The following SH3BP4 variants were observed in gnomAD, a reference collection of about 807,000 sequenced individuals.
SH3BP4 encodes the protein SH3 domain binding protein 4, also known as SH3 domain-binding protein 4.
A neutral mutation model predicts 65.5 loss-of-function variants in SH3BP4; 33 were observed. That is an observed-to-expected ratio of 0.50 (90% confidence interval 0.38 to 0.67). The LOEUF is 0.67. Ranked by LOEUF, SH3BP4 falls within the 30% of genes least tolerant of loss-of-function variation. The pLI, the probability that SH3BP4 is intolerant of heterozygous loss-of-function variation, is 0.00. For synonymous variants in SH3BP4, 552 were observed against 545.5 expected (o/e 1.01, Z -0.17); for missense variants, 1,134 against 1,261.4 (o/e 0.90, Z 1.53).
intron 2 of SH3BP4, among the ~76,000 whole-genome samples, chr2:235,032,299 C>G (rs1695231147): frequency 1.3e-5 from 2 of 152,196 alleles, no homozygotes; most frequent in African/African-American, 2.4e-5. Context: ...CAGATGGAGA[C>G]TCTCAGGCAG....
In SH3BP4 at chr2:235,034,186, G is replaced by A. The variant is rs1695295150; in HGVS notation, c.-132-685G>A. Reference sequence around the variant, plus strand: ...CCAGAAAAAAAAAGCAGAGGCCTTAGGGGTGATTCTTGTGGTCTCTTCCAC... The same window carrying A: ...CCAGAAAAAAAAAGCAGAGGCCTTAAGGGTGATTCTTGTGGTCTCTTCCAC... On this transcript the variant is annotated intron_variant, in intron 2 of 5. Coordinates refer to ENST00000392011, the MANE Select transcript of SH3BP4 (RefSeq NM_014521.3). This position sits in a 1 kb window ranked among gnomAD's most constrained non-coding sequence, Gnocchi z 6.2. 6.6e-6 allele frequency among the ~76,000 whole-genome samples: 1 copy of A among 151,692 alleles called. No individual in the cohort carries two copies. The highest frequency in any genetic ancestry group is 1.5e-5 in the Non-Finnish European group (1 of 68,034).
At chr2:234,959,297 A>G (rs1056686669) in intron 1 of SH3BP4, among the ~76,000 whole-genome samples, 3 of 152,110 alleles carry the variant, frequency 2.0e-5, no homozygotes, top group Non-Finnish European at 2.9e-5. Flanking sequence ...GCTTGGGGGC[A>G]GTTGCATTTT....
intron 2 of SH3BP4, among the ~76,000 whole-genome samples, chr2:235,029,838 C>T (rs893593083): frequency 6.6e-6 from 1 of 152,174 alleles, no homozygotes; most frequent in African/African-American, 2.4e-5. Flanking sequence ...CTGTGCTCCA[C>T]AGTCCATGCA....
chr2:235,042,481 G>T lies in SH3BP4; in HGVS notation c.1712G>T (p.Arg571Leu). The T allele has an allele frequency of 6.2e-7, 1 of 1,614,158 alleles. No homozygotes were observed. The highest frequency in any genetic ancestry group is 1.1e-5 in the South Asian group (1 of 91,086). ...GFQLKLGKVSRLIFPITSQNP... is the reference protein window; with the variant it reads ...GFQLKLGKVSLLIFPITSQNP... ...CAGCTGAAGCTGGGCAAGGTGAGCCGCCTGATCTTCCCCATCACCTCCCAG... is the reference window on the plus strand; with the variant it reads ...CAGCTGAAGCTGGGCAAGGTGAGCCTCCTGATCTTCCCCATCACCTCCCAG... The change falls in exon 4 of 6, where the codon CGC (arginine) becomes CTC (leucine). Residue 571 changes from arginine (R) to leucine (L), a missense_variant. Arg to Leu is a moderately radical substitution (Grantham distance 102). Coordinates refer to ENST00000392011, the MANE Select transcript of SH3BP4 (RefSeq NM_014521.3). This position sits in a 1 kb window ranked among gnomAD's most constrained non-coding sequence, Gnocchi z 7.3.
At position 235,055,589 on chromosome 2, in the gene SH3BP4, G is replaced by A. The variant is rs1173096652; in HGVS notation, c.*1773G>A. 1 of 152,596 alleles carries A rather than the reference G, an allele frequency of 6.6e-6. No homozygotes were observed. Among genetic ancestry groups the A allele is most frequent in the East Asian group, 1.9e-4 (1 of 5,190 alleles). 9.5% of individuals were successfully genotyped at this position (152,596 alleles called of 1,614,324 possible). A position where few individuals can be genotyped will look rare whatever the true frequency, so the allele number is the denominator to read the frequency against. On this transcript the variant is annotated 3_prime_UTR_variant, in exon 6 of 6. Transcript: ENST00000392011. ...CTTTAAATAGTTTCCTATGCAACGT[G>A]TCTTGTAGCACAAATAAAATTCTAC...
chr2:235,011,036 C>G (rs1266979052), intron 2 of SH3BP4, among the ~76,000 whole-genome samples: 1 of 150,448 alleles, frequency 6.6e-6, no homozygotes, highest in Non-Finnish European at 1.5e-5. Flanking sequence ...CTTCCTCCCT[C>G]TTCTAGGAGA....
chr2:234,984,515 AGT>A (rs1321402931), intron 1 of SH3BP4, among the ~76,000 whole-genome samples: 1 of 152,146 alleles, frequency 6.6e-6, no homozygotes, highest in Non-Finnish European at 1.5e-5. Flanking sequence ...TGTCCTTTTC[AGT>A]GTAAAAATGT....
intron 1 of SH3BP4, among the ~76,000 whole-genome samples, chr2:234,983,821 G>C (rs1693463652): frequency 6.6e-6 from 1 of 152,234 alleles, no homozygotes; most frequent in Non-Finnish European, 1.5e-5. Context: ...CGGGATGCAG[G>C]AAAGGGCAGG....
chr2:234,972,800 C>G (rs975310823), intron 1 of SH3BP4, among the ~76,000 whole-genome samples: 5 of 152,172 alleles, frequency 3.3e-5, no homozygotes, highest in African/African-American at 4.8e-5. Context: ...GCTTGGGGAG[C>G]TTATTTCTGA....
intron 1 of SH3BP4, among the ~76,000 whole-genome samples, chr2:234,982,988 C>G (rs10803628): frequency 0.24 from 36,007 of 151,996 alleles, 4,636 homozygotes; most frequent in East Asian, 0.59. Flanking sequence ...GGTGGTGGAT[C>G]GGTGGACCTG....
At position 235,052,790 on chromosome 2, in the gene SH3BP4, G is replaced by C. The variant is rs886383498; in HGVS notation, c.2667+40G>C. 1.3e-6 allele frequency: 2 copies of C among 1,524,484 alleles called. No individual in the cohort carries two copies. Among genetic ancestry groups the C allele is most frequent in the Non-Finnish European group, 1.8e-6 (2 of 1,135,478 alleles). The allele number at this position is 1,524,484 out of a possible 1,614,324, so 94.4% of individuals were successfully genotyped here. A position where few individuals can be genotyped will look rare whatever the true frequency, so the allele number is the denominator to read the frequency against. On this transcript the variant is annotated intron_variant, in intron 5 of 5. Transcript: ENST00000392011. This position sits in a 1 kb window ranked among gnomAD's most constrained non-coding sequence, Gnocchi z 5.0. ...AGCTTCGAGCTCACCGAGCCCCTCT[G>C]TCCCTGGGTTCCGTGGACCCATGCA...
In SH3BP4 at chr2:234,976,299, T is replaced by C. The variant is rs1474862338; in HGVS notation, c.-206-19004T>C. ...CTGGGCCCTTCTCCTAAAAATTGCC[T>C]TTTTATAAATGCAGGCCAGGCTGTC... On this transcript the variant is annotated intron_variant, in intron 1 of 5. Transcript: ENST00000392011. The surrounding 1 kb of genome is among the most constrained non-coding windows in gnomAD (Gnocchi z 4.7). Among the ~76,000 whole-genome samples the C allele has an allele frequency of 1.3e-5, 2 of 152,240 alleles. No homozygotes were observed. The highest frequency in any genetic ancestry group is 1.3e-4 in the Admixed American group (2 of 15,290).
rs1693115750 is a variant in SH3BP4, at chr2:234,974,708, G to C, written c.-206-20595G>C. Among the ~76,000 whole-genome samples the C allele has an allele frequency of 6.6e-6, 1 of 152,206 alleles. No homozygotes were observed. The highest frequency in any genetic ancestry group is 6.5e-5 in the Admixed American group (1 of 15,284). ...CCCAGGGCGTTCACAAGCTCTCTTAGTTCCGAAAAATCGAGGGGTTCCTTG... is the reference window on the plus strand; with the variant it reads ...CCCAGGGCGTTCACAAGCTCTCTTACTTCCGAAAAATCGAGGGGTTCCTTG... On this transcript the variant is annotated intron_variant, in intron 1 of 5. Transcript: ENST00000392011. The surrounding 1 kb of genome is among the most constrained non-coding windows in gnomAD (Gnocchi z 4.6).
intron 2 of SH3BP4, among the ~76,000 whole-genome samples, chr2:234,996,883 T>TG (rs944353369): frequency 2.6e-5 from 4 of 151,600 alleles, no homozygotes; most frequent in African/African-American, 9.7e-5. Flanking sequence ...AGGAGGTTAA[T>TG]GGGGGTCCCT....
intron 3 of SH3BP4, among the ~76,000 whole-genome samples, chr2:235,039,922 G>C (rs908621238): frequency 6.6e-6 from 1 of 152,184 alleles, no homozygotes; most frequent in Admixed American, 6.6e-5. Context: ...TTTTCATGTT[G>C]TGATTTTGAA....
At chr2:234,970,329 C>T (rs1299210538) in intron 1 of SH3BP4, among the ~76,000 whole-genome samples, 2 of 152,298 alleles carry the variant, frequency 1.3e-5, no homozygotes, top group East Asian at 3.9e-4. Flanking sequence ...TCAGAATCAA[C>T]TGTGAAGGTT....
At chr2:234,996,675 C>T (rs1484981791) in intron 2 of SH3BP4, among the ~76,000 whole-genome samples, 3 of 152,224 alleles carry the variant, frequency 2.0e-5, no homozygotes, top group Non-Finnish European at 4.4e-5. Context: ...GGCATTCTTT[C>T]TGCCTGGCAT....
chr2:234,973,427 G>A (rs1009791299), intron 1 of SH3BP4, among the ~76,000 whole-genome samples: 17 of 152,284 alleles, frequency 1.1e-4, no homozygotes, highest in African/African-American at 3.6e-4. Context: ...GCATTTCTAA[G>A]CAGTATGTAC....
chr2:234,955,476 G>T (rs993452989), intron 1 of SH3BP4, among the ~76,000 whole-genome samples: 1 of 152,092 alleles, frequency 6.6e-6, no homozygotes, highest in African/African-American at 2.4e-5. Context: ...GGCCCTGAGG[G>T]CGTCCACGTG....
Sources: gnomAD v4.1 joint callset for allele counts (sites outside exome capture counted in the v4.1 genomes callset) on GRCh38, gnomAD v4.1.1 for gene constraint, Gnocchi (gnomAD v3.1) non-coding constraint, MANE v1.5 for transcripts, NCBI Gene and HGNC (gene_info 2026-07-23, HGNC 2026-07-21) for gene names.